ROBO2: variants seen among roughly 807,000 people sequenced by gnomAD.
The protein encoded by ROBO2 is roundabout guidance receptor 2, also known as roundabout homolog 2.
ROBO2 carries 53 observed loss-of-function variants against 160.8 expected under a neutral mutation model. The observed-to-expected ratio is 0.33, with a 90% CI of 0.26 to 0.41. The LOEUF (loss-of-function observed/expected upper bound fraction) is 0.41, where lower values mean the gene tolerates loss of function less well. Among genes scored for constraint, ROBO2 ranks in the 10% least tolerant of loss-of-function variants. The pLI, the probability that ROBO2 is intolerant of heterozygous loss-of-function variation, is 1.00. For missense variants in ROBO2, 1,577 were observed against 1,722.4 expected (o/e 0.92, Z 1.49); for synonymous variants, 664 against 611.7 (o/e 1.09, Z -1.26).
chr3:76,058,300 G>A (rs1241263281), intron 2 of ROBO2, among the ~76,000 whole-genome samples: 3 of 151,962 alleles, frequency 2.0e-5, no homozygotes, highest in Non-Finnish European at 4.4e-5. Flanking sequence ...TCCCCTCCCT[G>A]TGTCCATGTG....
intron 2 of ROBO2, among the ~76,000 whole-genome samples, chr3:76,901,859 A>G (rs2075261162): frequency 6.6e-6 from 1 of 151,880 alleles, no homozygotes; most frequent in Non-Finnish European, 1.5e-5. Flanking sequence ...TTTTCTTCTT[A>G]TTTAGTTTGG....
At chr3:77,145,033 T>G (rs2077012727) in intron 2 of ROBO2, among the ~76,000 whole-genome samples, 1 of 152,152 alleles carries the variant, frequency 6.6e-6, no homozygotes, top group Non-Finnish European at 1.5e-5. Context: ...TCATTTTCTC[T>G]TAAGTGTTAG....
chr3:76,688,371 A>G (rs1006025270), intron 2 of ROBO2, among the ~76,000 whole-genome samples: 1 of 152,072 alleles, frequency 6.6e-6, no homozygotes, highest in Admixed American at 6.6e-5. Flanking sequence ...AAGCCATGCA[A>G]AGTAATTCAG....
intron 6 of ROBO2, among the ~76,000 whole-genome samples, chr3:77,525,238 G>GTTT (rs144170880): frequency 7.5e-6 from 1 of 134,198 alleles, no homozygotes; most frequent in Non-Finnish European, 1.6e-5. Context: ...TCCACCTGCT[G>GTTT]TTTTTTTTTT....
At chr3:77,160,361 G>T (rs531773431) in intron 2 of ROBO2, among the ~76,000 whole-genome samples, 1 of 152,018 alleles carries the variant, frequency 6.6e-6, no homozygotes, top group African/African-American at 2.4e-5. Flanking sequence ...AGTTTTTTTG[G>T]AAAATACTTT....
At chr3:76,136,246 T>C (rs2071425221) in intron 2 of ROBO2, among the ~76,000 whole-genome samples, 1 of 152,128 alleles carries the variant, frequency 6.6e-6, no homozygotes, top group Non-Finnish European at 1.5e-5. Flanking sequence ...ACCTCTGAAG[T>C]TGACAGTGCT....
intron 2 of ROBO2, among the ~76,000 whole-genome samples, chr3:77,432,694 G>C (rs2078901278): frequency 6.6e-6 from 1 of 152,138 alleles, no homozygotes; most frequent in Non-Finnish European, 1.5e-5. Flanking sequence ...CTTTTCAGTG[G>C]GAGTGTTTGC....
chr3:76,911,856 C>T (rs909677300), intron 2 of ROBO2, among the ~76,000 whole-genome samples: 11 of 152,202 alleles, frequency 7.2e-5, no homozygotes, highest in African/African-American at 2.6e-4. Context: ...AATCCCAGCA[C>T]TTTGGGAGGC....
intron 2 of ROBO2, among the ~76,000 whole-genome samples, chr3:76,875,768 C>T (rs1481588794): frequency 2.0e-5 from 3 of 152,148 alleles, no homozygotes; most frequent in African/African-American, 4.8e-5. Flanking sequence ...AATTCTCCGC[C>T]TCCACCTCTC....
intron 2 of ROBO2, among the ~76,000 whole-genome samples, chr3:76,374,135 T>C (rs1255300502): frequency 6.6e-6 from 1 of 151,924 alleles, no homozygotes; most frequent in Non-Finnish European, 1.5e-5. Flanking sequence ...AAACTTGTAT[T>C]CAATATATGG....
chr3:76,805,605 TAGATC>T (rs777774389), intron 2 of ROBO2, among the ~76,000 whole-genome samples: 25 of 151,930 alleles, frequency 1.6e-4, no homozygotes, highest in Non-Finnish European at 3.4e-4. Context: ...AGTAGTAACA[TAGATC>T]AGAAAAGCGA....
chr3:75,909,905 C>T (rs1253870540), intron 1 of ROBO2, among the ~76,000 whole-genome samples: 2 of 152,116 alleles, frequency 1.3e-5, no homozygotes, highest in African/African-American at 4.8e-5. Flanking sequence ...ACAGACATTC[C>T]TGAGCAAGAG....
intron 2 of ROBO2, among the ~76,000 whole-genome samples, chr3:77,219,384 T>C (rs1385768337): frequency 1.3e-5 from 2 of 148,606 alleles, no homozygotes; most frequent in Non-Finnish European, 3.0e-5. Flanking sequence ...TTAAGCTTTA[T>C]TTTATGTGTA....
At chr3:76,115,592 G>A (rs1198916911) in intron 2 of ROBO2, among the ~76,000 whole-genome samples, 1 of 151,966 alleles carries the variant, frequency 6.6e-6, no homozygotes, top group Non-Finnish European at 1.5e-5. Flanking sequence ...AGTCACATAG[G>A]TAAAGTATTT....
At chr3:76,943,402 A>G (rs528923140) in intron 2 of ROBO2, among the ~76,000 whole-genome samples, 2 of 152,362 alleles carry the variant, frequency 1.3e-5, no homozygotes, top group South Asian at 2.1e-4. Flanking sequence ...CCATTCACCT[A>G]TAATTGTTCT....
chr3:76,800,124 G>A (rs1339784898), intron 2 of ROBO2, among the ~76,000 whole-genome samples: 1 of 152,166 alleles, frequency 6.6e-6, no homozygotes. Flanking sequence ...TTGGAGAAAG[G>A]ACAGTTTATT....
chr3:77,279,448 A>G (rs1042739965), intron 2 of ROBO2, among the ~76,000 whole-genome samples: 10 of 152,154 alleles, frequency 6.6e-5, no homozygotes, highest in African/African-American at 2.4e-4. Context: ...TTGAATATGC[A>G]TAGTAGAAAA....
intron 2 of ROBO2, among the ~76,000 whole-genome samples, chr3:76,207,880 T>C (rs1248902928): frequency 1.3e-5 from 2 of 152,196 alleles, no homozygotes; most frequent in Non-Finnish European, 2.9e-5. Flanking sequence ...CAGGTCAAAT[T>C]ATAGTCCCCA....
intron 2 of ROBO2, among the ~76,000 whole-genome samples, chr3:76,323,943 TAAG>T (rs1400642497): frequency 6.6e-6 from 1 of 152,130 alleles, no homozygotes; most frequent in Non-Finnish European, 1.5e-5. Context: ...TTTTAAGAGA[TAAG>T]AAGCTTTTTC....
Sources: gnomAD v4.1 joint callset for allele counts (sites outside exome capture counted in the v4.1 genomes callset) on GRCh38, gnomAD v4.1.1 for gene constraint, MANE v1.5 for transcripts, NCBI Gene and HGNC (gene_info 2026-07-23, HGNC 2026-07-21) for gene names.